MFF: variants seen among roughly 807,000 people sequenced by gnomAD.
MFF encodes mitochondrial fission factor.
MFF carries 12 observed loss-of-function variants against 36.9 expected under a neutral mutation model. That is an observed-to-expected ratio of 0.33 (90% CI 0.21 to 0.53). MFF has a LOEUF of 0.53. Among genes scored for constraint, MFF ranks in the 20% least tolerant of loss-of-function variants. The probability of loss-of-function intolerance (pLI) is 0.95; values close to 1 mark genes in which losing one functional copy is unlikely to be tolerated. For synonymous variants in MFF, 99 were observed against 126.2 expected (o/e 0.78, Z 1.44); for missense variants, 348 against 366.6 (o/e 0.95, Z 0.42).
Position 227,342,759 on chromosome 2 carries a change from A to T in MFF, c.440+2379A>T, listed in dbSNP as rs1339914292. The stretch of plus-strand genomic sequence containing the variant: ...TATTATTTAAGGTGGCACAGATCAG[A>T]TTCTGCCCCAAGAAATAAAATTTCA... On this transcript the variant is annotated intron_variant, in intron 5 of 8. Coordinates refer to ENST00000304593, the MANE Select transcript of MFF (RefSeq NM_001277062.2). 1.9e-6 allele frequency: 3 copies of T among 1,613,508 alleles called. No homozygotes were observed. The highest frequency in any genetic ancestry group is 2.5e-6 in the Non-Finnish European group (3 of 1,179,454).
chr2:227,332,839 G>C (rs1033540099), intron 4 of MFF, among the ~76,000 whole-genome samples: 1 of 152,222 alleles, frequency 6.6e-6, no homozygotes, highest in Non-Finnish European at 1.5e-5. Flanking sequence ...TGAAGAAAGA[G>C]CCTTTATGGG....
At chr2:227,353,918 AAAGAG>A (rs985314571) in intron 7 of MFF, among the ~76,000 whole-genome samples, 1 of 152,118 alleles carries the variant, frequency 6.6e-6, no homozygotes, top group Non-Finnish European at 1.5e-5. Flanking sequence ...GGCCTCAGAG[AAAGAG>A]AAGAGTTTTA....
At position 227,326,737 on chromosome 2, in the gene MFF, C is replaced by T. The variant is rs1279441326; in HGVS notation, c.-153+1310C>T. 6.9e-4 allele frequency among the ~76,000 whole-genome samples: 105 copies of T among 152,146 alleles called. 1 individual carries two copies. Among genetic ancestry groups the T allele is most frequent in the Non-Finnish European group, 1.5e-5 (1 of 68,024 alleles). ...CTGAAACAGGGTGTGCAGAGTGGCCCATCTGTGTGAACTAGGTCCACGCAG... is the reference window on the plus strand; with the variant it reads ...CTGAAACAGGGTGTGCAGAGTGGCCTATCTGTGTGAACTAGGTCCACGCAG... On this transcript the variant is annotated intron_variant, in intron 1 of 8. Transcript: ENST00000304593.
chr2:227,354,118 C>T (rs1439503749), intron 7 of MFF, among the ~76,000 whole-genome samples: 1 of 152,144 alleles, frequency 6.6e-6, no homozygotes, highest in East Asian at 1.9e-4. Flanking sequence ...AATGAGAAAG[C>T]AGGATAATTT....
At chr2:227,356,874 G>T in intron 8 of MFF, 112 bp from the exon 9 acceptor site, 1 of 838,746 alleles carries the variant, frequency 1.2e-6, no homozygotes, top group East Asian at 2.5e-5. Flanking sequence ...TTCCATGTTT[G>T]TAATAATACT....
At chr2:227,355,338 T>C (rs1374632215) in intron 7 of MFF, 1 of 186,132 alleles carries the variant, frequency 5.4e-6, no homozygotes, top group East Asian at 1.5e-4. Context: ...TTTTGTTCTA[T>C]CCTAAGTGGC....
intron 5 of MFF, chr2:227,346,282 A>G (rs901591583): frequency 6.0e-6 from 1 of 167,072 alleles, no homozygotes; most frequent in Admixed American, 6.6e-5. Flanking sequence ...CTTGACGTTG[A>G]GAATGTTGAG....
intron 1 of MFF, among the ~76,000 whole-genome samples, chr2:227,328,316 A>G (rs2074319746): frequency 6.7e-6 from 1 of 148,606 alleles, no homozygotes; most frequent in East Asian, 1.9e-4. Flanking sequence ...AAAAAAAAAA[A>G]AAAACCAATT....
chr2:227,335,668 G>T (rs2074947295), intron 4 of MFF, among the ~76,000 whole-genome samples: 2 of 152,224 alleles, frequency 1.3e-5, no homozygotes, highest in Admixed American at 1.3e-4. Context: ...CCTGATTGAT[G>T]CAAGGGATAA....
chr2:227,338,138 T>C (rs1366302098), intron 4 of MFF, among the ~76,000 whole-genome samples: 2 of 144,396 alleles, frequency 1.4e-5, no homozygotes, highest in Non-Finnish European at 3.0e-5. Context: ...GAGGCCAAGG[T>C]GGGTGGATTA....
chr2:227,342,063 T>C (rs140408716), intron 5 of MFF, among the ~76,000 whole-genome samples: 1 of 152,242 alleles, frequency 6.6e-6, no homozygotes, highest in East Asian at 1.9e-4. Flanking sequence ...AGATTTACAG[T>C]GTTAACTAAT....
chr2:227,357,280 T>TA lies in MFF; in HGVS notation c.*166dup. ...GAGGAAGGACCTATATTTGTAGAAG[T>TA]AAAGGTATATTCTGTCACTCAGCTG... On this transcript the variant is annotated 3_prime_UTR_variant, in exon 9 of 9. Transcript: ENST00000304593. 1 of 720,254 alleles carries TA rather than the reference T, an allele frequency of 1.4e-6. No homozygotes were observed. The highest frequency in any genetic ancestry group is 2.1e-5 in the South Asian group (1 of 47,864). 44.6% of individuals were successfully genotyped at this position (720,254 alleles called of 1,614,324 possible).
chr2:227,345,587 G>A (rs2075665230), intron 5 of MFF, among the ~76,000 whole-genome samples: 1 of 152,178 alleles, frequency 6.6e-6, no homozygotes, highest in Non-Finnish European at 1.5e-5. Flanking sequence ...ATTCTCACAA[G>A]CAGTAAGAGC....
chr2:227,340,567 C>T, intron 5 of MFF, 187 bp downstream of exon 5: 1 of 542,340 alleles, frequency 1.8e-6, no homozygotes, highest in Non-Finnish European at 3.3e-6. Flanking sequence ...ATTTTTCAGT[C>T]ACCTTATCCT....
intron 6 of MFF, among the ~76,000 whole-genome samples, chr2:227,348,241 C>G (rs1460333651): frequency 6.6e-6 from 1 of 152,150 alleles, no homozygotes; most frequent in East Asian, 1.9e-4. Context: ...AATCCTGTTT[C>G]TTACCTTAGG....
chr2:227,339,987 A>G (rs996722921), intron 4 of MFF, among the ~76,000 whole-genome samples: 1 of 152,260 alleles, frequency 6.6e-6, no homozygotes, highest in Non-Finnish European at 1.5e-5. Context: ...CATAAGGTTA[A>G]ACAAATAATA....
At chr2:227,330,591 A>C in intron 2 of MFF, 35 bp from the exon 3 acceptor site, 1 of 1,483,348 alleles carries the variant, frequency 6.7e-7, no homozygotes, top group Non-Finnish European at 9.4e-7. Flanking sequence ...TGACATTTTA[A>C]CAGTCAGCCC....
At chr2:227,325,621 A>C (rs2074041804) in intron 1 of MFF, 194 bp downstream of exon 1, 1 of 152,258 alleles carries the variant, frequency 6.6e-6, no homozygotes, top group South Asian at 2.1e-4. Context: ...CGGGACCTTG[A>C]GTCCCCGAGG....
chr2:227,325,822 G>C (rs527992879), intron 1 of MFF, among the ~76,000 whole-genome samples: 2 of 152,216 alleles, frequency 1.3e-5, no homozygotes, highest in African/African-American at 4.8e-5. Context: ...CCCTGCCAAG[G>C]CCCTGACACC....
Sources: gnomAD v4.1 joint callset for allele counts (sites outside exome capture counted in the v4.1 genomes callset) on GRCh38, gnomAD v4.1.1 for gene constraint, MANE v1.5 for transcripts, NCBI Gene and HGNC (gene_info 2026-07-23, HGNC 2026-07-21) for gene names.